The following KCNIP4 variants were observed in gnomAD, a reference collection of about 807,000 sequenced individuals.
KCNIP4 encodes the protein potassium voltage-gated channel interacting protein 4, also known as Kv channel-interacting protein 4.
In KCNIP4, 12 loss-of-function variants were observed where a neutral mutation model predicts 34.0. That is an observed-to-expected ratio of 0.35 (90% CI 0.23 to 0.57). KCNIP4 has a LOEUF of 0.57. Among genes scored for constraint, KCNIP4 ranks in the 20% least tolerant of loss-of-function variants. The probability of loss-of-function intolerance (pLI) is 0.83; values close to 1 mark genes in which losing one functional copy is unlikely to be tolerated. For missense variants in KCNIP4, 238 were observed against 311.7 expected, an observed-to-expected ratio of 0.76 and a Z score of 1.78; for synonymous variants, 124 against 102.2, an observed-to-expected ratio of 1.21 and a Z score of -1.29.
intron 1 of KCNIP4, among the ~76,000 whole-genome samples, chr4:21,093,056 T>G (rs960182093): frequency 3.9e-5 from 6 of 152,224 alleles, no homozygotes; most frequent in African/African-American, 1.4e-4. Context: ...AAAGACTATA[T>G]GTACATTCTC....
chr4:21,697,664 G>A, intron 1 of KCNIP4: 2 of 1,288,484 alleles, frequency 1.6e-6, no homozygotes, highest in Non-Finnish European at 1.9e-6. Context: ...GAGAAAACAC[G>A]GCTTCTCAGT....
intron 1 of KCNIP4, among the ~76,000 whole-genome samples, chr4:21,124,299 T>C (rs1025603400): frequency 4.6e-5 from 7 of 152,206 alleles, no homozygotes; most frequent in Non-Finnish European, 1.0e-4. Flanking sequence ...TTTGTCTTCA[T>C]GGATCCCCTG....
At chr4:21,558,252 GA>G (rs1372766798) in intron 1 of KCNIP4, among the ~76,000 whole-genome samples, 1 of 152,154 alleles carries the variant, frequency 6.6e-6, no homozygotes, top group African/African-American at 2.4e-5. Flanking sequence ...AGCACTTTGG[GA>G]GGCCAAGGTA....
chr4:20,895,622 T>G (rs1223390203), intron 1 of KCNIP4, among the ~76,000 whole-genome samples: 3 of 152,246 alleles, frequency 2.0e-5, no homozygotes, highest in Non-Finnish European at 2.9e-5. Flanking sequence ...GTATTTATAT[T>G]CAATAAAAGT....
chr4:20,914,825 G>A (rs1728652523), intron 1 of KCNIP4, among the ~76,000 whole-genome samples: 1 of 152,148 alleles, frequency 6.6e-6, no homozygotes, highest in Admixed American at 6.5e-5. Flanking sequence ...CTAATTAGTT[G>A]AAAACATACC....
chr4:20,915,521 A>T (rs930981811), intron 1 of KCNIP4, among the ~76,000 whole-genome samples: 1 of 152,240 alleles, frequency 6.6e-6, no homozygotes, highest in African/African-American at 2.4e-5. Flanking sequence ...TCTGCAAAAT[A>T]AAGAAAATGC....
At chr4:21,764,509 T>C (rs1718273635) in intron 1 of KCNIP4, among the ~76,000 whole-genome samples, 1 of 152,146 alleles carries the variant, frequency 6.6e-6, no homozygotes, top group Non-Finnish European at 1.5e-5. Flanking sequence ...ACAAGGTGTG[T>C]CATATTGGTA....
At chr4:21,941,569 A>T (rs1387267648) in intron 1 of KCNIP4, among the ~76,000 whole-genome samples, 1 of 152,136 alleles carries the variant, frequency 6.6e-6, no homozygotes, top group Non-Finnish European at 1.5e-5. Context: ...AAAAGGGGAC[A>T]TTTCCCTAAG....
intron 1 of KCNIP4, among the ~76,000 whole-genome samples, chr4:21,831,935 C>T (rs985290799): frequency 1.3e-5 from 2 of 152,012 alleles, no homozygotes; most frequent in Non-Finnish European, 2.9e-5. Flanking sequence ...TTCAATGGCA[C>T]ATTAAAAAGA....
In KCNIP4 at chr4:21,346,429, C is replaced by G. The variant is rs374535838; in HGVS notation, c.62-463720G>C. 8.1e-5 allele frequency among the ~76,000 whole-genome samples: 12 copies of G among 148,606 alleles called. No homozygotes were observed. In the East Asian group the frequency reaches 2.2e-3, roughly 27 times the overall value. On this transcript the variant is annotated intron_variant, in intron 1 of 8. Transcript: ENST00000382152. ...TCATATCATGAGTTCTAATGGGCCA[C>G]CCTCTAAACCTAACCAAGATTCGTA...
intron 2 of KCNIP4, among the ~76,000 whole-genome samples, chr4:20,863,286 C>G (rs10021030): frequency 0.33 from 49,625 of 151,298 alleles, 8,393 homozygotes; most frequent in African/African-American, 0.39. Context: ...GCTCATAGTG[C>G]GGTTTTCTTG....
chr4:20,989,357 G>C (rs1736878605), intron 1 of KCNIP4, among the ~76,000 whole-genome samples: 1 of 152,154 alleles, frequency 6.6e-6, no homozygotes, highest in African/African-American at 2.4e-5. Flanking sequence ...TAAAAAGGAG[G>C]TATAGAGAGC....
intron 1 of KCNIP4, among the ~76,000 whole-genome samples, chr4:21,803,158 G>A (rs1358725167): frequency 4.6e-5 from 7 of 152,102 alleles, no homozygotes; most frequent in Non-Finnish European, 7.4e-5. Context: ...GGTAGTAAAC[G>A]TGCCATGCAT....
chr4:20,902,033 C>T (rs1358906927), intron 1 of KCNIP4, among the ~76,000 whole-genome samples: 2 of 152,160 alleles, frequency 1.3e-5, no homozygotes, highest in African/African-American at 4.8e-5. Context: ...TCATGATGAG[C>T]TTCCAGTGAA....
At chr4:21,846,015 T>C (rs79974185) in intron 1 of KCNIP4, 1 of 152,122 alleles carries the variant, frequency 6.6e-6, no homozygotes, top group African/African-American at 2.4e-5. Flanking sequence ...GCTAAAAGAT[T>C]TGATCAGCTA....
rs546363845 is a variant in KCNIP4, at chr4:21,008,486, G to A, written c.62-125777C>T. Among the ~76,000 whole-genome samples the A allele has an allele frequency of 2.0e-5, 3 of 152,108 alleles. No individual in the cohort carries two copies. The South Asian group carries it at 6.2e-4, about 32-fold the overall frequency. The stretch of plus-strand genomic sequence containing the variant: ...AATACTTATGGATTAGAATAAATGT[G>A]ACTTCATCTTGCAGCTATGGGCATT... On this transcript the variant is annotated intron_variant, in intron 1 of 8. Transcript: ENST00000382152.
At chr4:21,440,790 T>G (rs1219037631) in intron 1 of KCNIP4, among the ~76,000 whole-genome samples, 1 of 152,350 alleles carries the variant, frequency 6.6e-6, no homozygotes, top group South Asian at 2.1e-4. Context: ...TGATTGGGCT[T>G]GAGCTATTTA....
chr4:21,147,105 C>T (rs931640263), intron 1 of KCNIP4, among the ~76,000 whole-genome samples: 2 of 152,184 alleles, frequency 1.3e-5, no homozygotes, highest in Non-Finnish European at 1.5e-5. Flanking sequence ...TCCGGTTGGG[C>T]TCAGCCTAGG....
intron 1 of KCNIP4, among the ~76,000 whole-genome samples, chr4:21,705,091 A>T (rs2109067885): frequency 6.6e-6 from 1 of 152,292 alleles, no homozygotes; most frequent in Middle Eastern, 3.4e-3. Flanking sequence ...GGAATTACAC[A>T]GAGTGAAAAT....
Sources: allele counts gnomAD v4.1 joint callset (sites outside exome capture counted in the v4.1 genomes callset), GRCh38; gene constraint gnomAD v4.1.1; transcripts MANE v1.5; gene names NCBI Gene and HGNC (gene_info 2026-07-23, HGNC 2026-07-21).